The following SNED1 variants were observed in gnomAD, a reference collection of about 807,000 sequenced individuals.
SNED1 encodes the protein sushi, nidogen and EGF like domains 1, also known as sushi, nidogen and EGF-like domain-containing protein 1.
SNED1 carries 81 observed loss-of-function variants against 166.7 expected under a neutral mutation model. The observed-to-expected ratio is 0.49, with a 90% confidence interval of 0.41 to 0.58. SNED1 has a LOEUF of 0.58. Ranked by LOEUF, SNED1 falls within the 20% of genes least tolerant of loss-of-function variation. The pLI, the probability that SNED1 is intolerant of heterozygous loss-of-function variation, is 0.00. For missense variants in SNED1, 1,604 were observed against 2,000.2 expected (o/e 0.80, Z 3.78); for synonymous variants, 762 against 822.0 (o/e 0.93, Z 1.25).
chr2:241,078,468 A>G (rs1337223881), intron 27 of SNED1, among the ~76,000 whole-genome samples: 1 of 151,862 alleles, frequency 6.6e-6, no homozygotes, highest in African/African-American at 2.4e-5. Context: ...CAACCATAAA[A>G]CAAGGACGCA....
intron 1 of SNED1, among the ~76,000 whole-genome samples, chr2:241,012,825 C>CTTTTTTTTTTTTTTTTTTTTTTTTTT (rs59199140): frequency 7.4e-6 from 1 of 134,880 alleles, no homozygotes; most frequent in Non-Finnish European, 1.6e-5. Flanking sequence ...TTTTTTTTTT[C>CTTTTTTTTTTTTTTTTTTTTTTTTTT]TTTTTTTTTT....
chr2:241,066,419 C>T (rs559939798), intron 21 of SNED1, among the ~76,000 whole-genome samples: 7 of 152,148 alleles, frequency 4.6e-5, no homozygotes, highest in South Asian at 4.1e-4. Context: ...TGGCCTTCCA[C>T]GGAGCCCGGC....
intron 2 of SNED1, 91 bp downstream of exon 2, chr2:241,030,662 G>A (rs2061139911): frequency 7.4e-7 from 1 of 1,345,118 alleles, no homozygotes; most frequent in Middle Eastern, 1.9e-4. Context: ...TGATGTGGGT[G>A]TGGTGCAGTC....
Position 241,062,911 on chromosome 2 carries a change from G to C in SNED1, c.2371+7G>C. 1.3e-6 allele frequency: 2 copies of C among 1,572,940 alleles called. No individual in the cohort carries two copies. ...GGCGCCCACTGTGAGCTGGGTAAGA[G>C]GGGCCCTGGCCCCGCTGGGGTGACA... On this transcript the variant is annotated splice_region_variant and intron_variant, in intron 17 of 31. Coordinates refer to ENST00000310397, the MANE Select transcript of SNED1 (RefSeq NM_001080437.3).
rs2064152479 is a variant in SNED1, at chr2:241,093,190, A to AC, written c.*1554_*1555insC. The AC allele has an allele frequency of 6.6e-6, 1 of 152,610 alleles. No homozygotes were observed. Among genetic ancestry groups the AC allele is most frequent in the Admixed American group, 6.5e-5 (1 of 15,274 alleles). The allele number at this position is 152,610 out of a possible 1,614,324, so 9.5% of individuals were successfully genotyped here. A position where few individuals can be genotyped will look rare whatever the true frequency, so the allele number is the denominator to read the frequency against. Reference sequence around the variant, plus strand: ...AGACCCACTTGAGAGCAGAAGGTGGAGCTCAATGAAGGGTCTCGAGCTCAG... The same window carrying AC: ...AGACCCACTTGAGAGCAGAAGGTGGACGCTCAATGAAGGGTCTCGAGCTCAG... On this transcript the variant is annotated 3_prime_UTR_variant, in exon 32 of 32. Transcript: ENST00000310397.
intron 24 of SNED1, 142 bp downstream of exon 24, chr2:241,070,343 T>C (rs1020270971): frequency 1.1e-6 from 1 of 933,476 alleles, no homozygotes; most frequent in Non-Finnish European, 1.6e-6. Context: ...GGGAGGAGTC[T>C]GTGTATGAAA....
At position 241,034,618 on chromosome 2, in the gene SNED1, G is replaced by C. The variant is rs202020143; in HGVS notation, c.693G>C (p.Ser231=). ...AGCGTTACTTCAGTATCCCCGGCTC[G>C]CGCACAGCAGACATGGCCGAGGTGG... ...DGQRYFSIPG[S]RTADMAEVET... Residue 231 remains serine (S), a synonymous_variant, in exon 4 of 32, where the codon TCG becomes TCC. Coordinates refer to ENST00000310397, the MANE Select transcript of SNED1 (RefSeq NM_001080437.3). 34 of 1,611,490 alleles carry C rather than the reference G, an allele frequency of 2.1e-5. No individual in the cohort carries two copies. Among genetic ancestry groups the C allele is most frequent in the Non-Finnish European group, 2.8e-5 (33 of 1,179,300 alleles).
At position 241,030,343 on chromosome 2, in the gene SNED1, C is replaced by T; in HGVS notation, c.273C>T (p.Ala91=). Residue 91 remains alanine (A), a synonymous_variant, in exon 2 of 32, where the codon GCC becomes GCT. Coordinates refer to ENST00000310397, the MANE Select transcript of SNED1 (RefSeq NM_001080437.3). ...LKEVSQFTPV[A]FPIAKDRCVV... is the part of the protein sequence containing the mutation. ...AGGTTTCTCAGTTCACCCCAGTGGC[C>T]TTCCCCATTGCCAAGGACCGCTGCG... The T allele has an allele frequency of 1.2e-6, 2 of 1,609,112 alleles. No individual in the cohort carries two copies. Among genetic ancestry groups the T allele is most frequent in the Non-Finnish European group, 1.7e-6 (2 of 1,177,822 alleles).
At chr2:241,063,054 A>C in intron 17 of SNED1, 150 bp downstream of exon 17, 1 of 604,002 alleles carries the variant, frequency 1.7e-6, no homozygotes, top group Non-Finnish European at 2.9e-6. Context: ...GACATCCAAG[A>C]CAAAGATTTT....
chr2:241,010,132 C>G (rs572786034), intron 1 of SNED1: 3 of 152,252 alleles, frequency 2.0e-5, no homozygotes, highest in Non-Finnish European at 4.4e-5. Context: ...ACCGCAGAGC[C>G]GCCCTTTGTG....
rs367827639 is a variant in SNED1, at chr2:241,018,193, G to T, written c.214-12091G>T. On this transcript the variant is annotated intron_variant, in intron 1 of 31. Transcript: ENST00000310397. This position sits in a 1 kb window ranked among gnomAD's most constrained non-coding sequence, Gnocchi z 5.4. The stretch of plus-strand genomic sequence containing the variant: ...TTAAGTCTTTTTGCCATGTCACCGC[G>T]CATTTGCAGCTTTGGTCACCATACA... Among the ~76,000 whole-genome samples, 2 of 152,190 alleles carry T rather than the reference G, an allele frequency of 1.3e-5. No individual in the cohort carries two copies. The highest frequency in any genetic ancestry group is 2.4e-5 in the African/African-American group (1 of 41,424).
At chr2:240,998,393 C>A (rs1004993195), upstream of SNED1, among the ~76,000 whole-genome samples, 3 of 152,230 alleles carry the variant, frequency 2.0e-5, no homozygotes, top group Admixed American at 6.5e-5. Flanking sequence ...AGGGCCCAGG[C>A]GCCTCCACCA....
rs962564308 is a variant in SNED1 at position 241,091,806 on chromosome 2, C to T, written c.*170C>T. 3 of 152,678 alleles carry T rather than the reference C, an allele frequency of 2.0e-5. No homozygotes were observed. In the South Asian group the frequency reaches 6.2e-4, roughly 32 times the overall value. 9.5% of individuals were successfully genotyped at this position (152,678 alleles called of 1,614,324 possible). ...GCCTCTAGAGGACAGATGGCCAGGC[C>T]TGTGCACACACCAGCCCACCCTGAG... On this transcript the variant is annotated 3_prime_UTR_variant, in exon 32 of 32. Transcript: ENST00000310397. This position sits in a 1 kb window ranked among gnomAD's most constrained non-coding sequence, Gnocchi z 4.1.
At chr2:241,000,527 G>A (rs2060047964) in intron 1 of SNED1, among the ~76,000 whole-genome samples, 1 of 152,190 alleles carries the variant, frequency 6.6e-6, no homozygotes, top group Non-Finnish European at 1.5e-5. Flanking sequence ...CACTCACATT[G>A]GCACCATCCG....
chr2:241,088,112 C>CCT (rs1040524248), intron 30 of SNED1: 12 of 498,610 alleles, frequency 2.4e-5, no homozygotes, highest in East Asian at 1.1e-4. Flanking sequence ...CCACGTCCAT[C>CCT]CTCTCTCTCT....
intron 27 of SNED1, among the ~76,000 whole-genome samples, chr2:241,079,391 G>A (rs1277399323): frequency 2.0e-5 from 3 of 147,418 alleles, no homozygotes; most frequent in African/African-American, 7.6e-5. Flanking sequence ...CAGCCTGGGC[G>A]ACAGAGTGAG....
chr2:241,084,918 T>G (rs917131688), intron 29 of SNED1, among the ~76,000 whole-genome samples: 1 of 152,228 alleles, frequency 6.6e-6, no homozygotes, highest in African/African-American at 2.4e-5. Context: ...CAGTTATATT[T>G]TTTTCTTTCA....
At position 241,036,664 on chromosome 2, in the gene SNED1, G is replaced by C. The variant is rs555746376; in HGVS notation, c.806-126G>C. ...ACCTGAAACCTGGCTGCTTTGCTGCGGTCACCCGGGCACCCAGAGGCCGAC... is the reference window on the plus strand; with the variant it reads ...ACCTGAAACCTGGCTGCTTTGCTGCCGTCACCCGGGCACCCAGAGGCCGAC... On this transcript the variant is annotated intron_variant, in intron 4 of 31. Transcript: ENST00000310397. The C allele has an allele frequency of 6.4e-6, 8 of 1,250,950 alleles. No homozygotes were observed. The African/African-American group carries it at 8.9e-5, about 14-fold the overall frequency. 77.5% of individuals were successfully genotyped at this position (1,250,950 alleles called of 1,614,324 possible).
At chr2:241,081,467 C>A (rs568833734) in intron 27 of SNED1, among the ~76,000 whole-genome samples, 39 of 152,212 alleles carry the variant, frequency 2.6e-4, no homozygotes, top group Non-Finnish European at 3.7e-4. Flanking sequence ...GAGCACACTG[C>A]GGCCTGTCTC....
Sources: allele counts gnomAD v4.1 joint callset (sites outside exome capture counted in the v4.1 genomes callset), GRCh38; gene constraint gnomAD v4.1.1; non-coding constraint Gnocchi (gnomAD v3.1); transcripts MANE v1.5; gene names NCBI Gene and HGNC (gene_info 2026-07-23, HGNC 2026-07-21).